Variants in GABRP observed in about 807,000 individuals in gnomAD.
GABRP encodes gamma-aminobutyric acid type A receptor subunit pi.
In GABRP, 52 loss-of-function variants were observed where a neutral mutation model predicts 47.8. The observed-to-expected ratio is 1.09, with a 90% CI of 0.87 to 1.37. The LOEUF (loss-of-function observed/expected upper bound fraction) is 1.37. Ranked by LOEUF, GABRP falls within the 40% of genes most tolerant of loss-of-function variation. GABRP has a pLI of 0.00. For synonymous variants in GABRP, 221 were observed against 205.8 expected (o/e 1.07, Z -0.63); for missense variants, 525 against 542.8 (o/e 0.97, Z 0.33).
chr5:170,812,063 C>T lies in GABRP; in HGVS notation c.1128C>T (p.Asp376=). Residue 376 remains aspartate, a synonymous_variant, in exon 10 of 10, where the codon GAC becomes GAT. Transcript: ENST00000265294. ...TTGCCAGCATTGAAATTTCCAGCGA[C>T]AACGTTGACTACAGTGACTTGACAA... ...ISFASIEISS[D]NVDYSDLTMK... is the part of the protein sequence containing the mutation. The T allele has an allele frequency of 6.2e-7, 1 of 1,614,176 alleles. No individual in the cohort carries two copies. The highest frequency in any genetic ancestry group is 8.5e-7 in the Non-Finnish European group (1 of 1,180,032).
chr5:170,787,731 C>T (rs1765163528), intron 1 of GABRP, among the ~76,000 whole-genome samples: 1 of 152,212 alleles, frequency 6.6e-6, no homozygotes, highest in African/African-American at 2.4e-5. Flanking sequence ...CCGCCCACCA[C>T]ACAAGGCCAC....
chr5:170,813,554 A>G lies in GABRP; in HGVS notation c.*1296A>G, dbSNP rs528981454. On this transcript the variant is annotated 3_prime_UTR_variant, in exon 10 of 10. Coordinates refer to ENST00000265294, the MANE Select transcript of GABRP (RefSeq NM_014211.3). ...CCTCTCCAAATCCAGCCAGAGATGCACATTCCTCGGCCAGTCTCAGCCAAC... is the reference window on the plus strand; with the variant it reads ...CCTCTCCAAATCCAGCCAGAGATGCGCATTCCTCGGCCAGTCTCAGCCAAC... 1.0e-3 allele frequency: 156 copies of G among 152,354 alleles called. No homozygotes were observed. Among genetic ancestry groups the G allele is most frequent in the African/African-American group, 3.6e-3 (150 of 41,576 alleles). The allele number at this position is 152,354 out of a possible 1,614,324, so 9.4% of individuals were successfully genotyped here. A position where few individuals can be genotyped will look rare whatever the true frequency, so the allele number is the denominator to read the frequency against.
chr5:170,788,678 G>C lies in GABRP; in HGVS notation c.53+10G>C. Reference sequence around the variant, plus strand: ...GTCTCTTCACTGAGAGGTGAGCTTTGCTACCCCCAGAATGGCCTCCATCTG... The same window carrying C: ...GTCTCTTCACTGAGAGGTGAGCTTTCCTACCCCCAGAATGGCCTCCATCTG... On this transcript the variant is annotated intron_variant, in intron 2 of 9. Coordinates refer to ENST00000265294, the MANE Select transcript of GABRP (RefSeq NM_014211.3). 2 of 1,613,756 alleles carry C rather than the reference G, an allele frequency of 1.2e-6. No homozygotes were observed. Among genetic ancestry groups the C allele is most frequent in the Non-Finnish European group, 1.7e-6 (2 of 1,179,758 alleles).
intron 6 of GABRP, among the ~76,000 whole-genome samples, chr5:170,799,494 C>T (rs1765529918): frequency 6.6e-6 from 1 of 152,196 alleles, no homozygotes; most frequent in Admixed American, 6.5e-5. Context: ...GAGATGATAT[C>T]TCCTTGTGGT....
intron 3 of GABRP, among the ~76,000 whole-genome samples, chr5:170,793,161 C>T (rs777321279): frequency 3.3e-5 from 5 of 152,194 alleles, no homozygotes; most frequent in East Asian, 3.8e-4. Flanking sequence ...CAATGTCACA[C>T]GTCTAATCTC....
rs538589211 is a variant in GABRP at position 170,795,492 on chromosome 5, T to C, written c.458+67T>C. 7 of 1,310,484 alleles carry C rather than the reference T, an allele frequency of 5.3e-6. No individual in the cohort carries two copies. The African/African-American group carries it at 1.0e-4, about 19-fold the overall frequency. 81.2% of individuals were successfully genotyped at this position (1,310,484 alleles called of 1,614,324 possible). ...TGGGAGAAAACATGCAGATGTGTCT[T>C]GGGTAGTTGTGACCAGAACTCAAAT... On this transcript the variant is annotated intron_variant, in intron 5 of 9. Transcript: ENST00000265294.
chr5:170,810,233 C>T (rs1765846374), intron 9 of GABRP, among the ~76,000 whole-genome samples: 1 of 152,064 alleles, frequency 6.6e-6, no homozygotes, highest in African/African-American at 2.4e-5. Flanking sequence ...TTGAGAAAAA[C>T]TGTCATTATT....
In GABRP at chr5:170,789,215, G is replaced by A. The variant is rs1405870933; in HGVS notation, c.140G>A (p.Gly47Glu). The A allele has an allele frequency of 6.2e-7, 1 of 1,614,086 alleles. No homozygotes were observed. The highest frequency in any genetic ancestry group is 8.5e-7 in the Non-Finnish European group (1 of 1,179,972). ...SLPGFENLTA[G>E]YNKFLRPNFG... The stretch of plus-strand genomic sequence containing the variant: ...CCTGGCTTTGAGAACCTCACAGCAG[G>A]ATATAACAAATTTCTCAGGCCCAAT... Residue 47 changes from glycine (G) to glutamate (E), a missense_variant, in exon 3 of 10, where the codon GGA (glycine) becomes GAA (glutamate). Transcript: ENST00000265294.
At chr5:170,792,977 T>A (rs2127253872) in intron 3 of GABRP, among the ~76,000 whole-genome samples, 1 of 152,218 alleles carries the variant, frequency 6.6e-6, no homozygotes, top group Admixed American at 6.5e-5. Flanking sequence ...TTAGCTAGGA[T>A]TACGGAAGAG....
intron 3 of GABRP, 128 bp from the exon 4 acceptor site, chr5:170,794,103 G>A: frequency 2.0e-6 from 1 of 494,368 alleles, no homozygotes; most frequent in African/African-American, 2.0e-5. Context: ...TATATTTATA[G>A]AATATTTAAA....
In GABRP at chr5:170,783,758, G is replaced by A. The variant is rs116317432; in HGVS notation, c.-159G>A. ...TGAGGGTGGCTGCGTGTCCACATACGAGGGGACAGGGCTGAGGATGAGGAG... is the reference window on the plus strand; with the variant it reads ...TGAGGGTGGCTGCGTGTCCACATACAAGGGGACAGGGCTGAGGATGAGGAG... On this transcript the variant is annotated 5_prime_UTR_variant, in exon 1 of 10. Coordinates refer to ENST00000265294, the MANE Select transcript of GABRP (RefSeq NM_014211.3). The A allele has an allele frequency of 0.014, 2,099 of 152,380 alleles. 35 individuals carry two copies. Among genetic ancestry groups the A allele is most frequent in the African/African-American group, 0.044 (1,828 of 41,540 alleles). 9.4% of individuals were successfully genotyped at this position (152,380 alleles called of 1,614,324 possible). A position where few individuals can be genotyped will look rare whatever the true frequency, so the allele number is the denominator to read the frequency against.
chr5:170,804,037 G>A (rs1303157161), intron 6 of GABRP, among the ~76,000 whole-genome samples: 3 of 152,070 alleles, frequency 2.0e-5, no homozygotes, highest in Non-Finnish European at 4.4e-5. Context: ...CAAAGTGCTG[G>A]GATTACAGGC....
intron 2 of GABRP, 82 bp from the exon 3 acceptor site, chr5:170,789,047 G>A: frequency 2.8e-6 from 3 of 1,063,706 alleles, no homozygotes; most frequent in Non-Finnish European, 4.3e-6. Context: ...CACACACGTG[G>A]GCAAACACAA....
chr5:170,797,599 G>T, intron 6 of GABRP, 51 bp downstream of exon 6: 1 of 1,104,288 alleles, frequency 9.1e-7, no homozygotes, highest in Non-Finnish European at 1.4e-6. Flanking sequence ...GGTGACTTAG[G>T]TGTGTGTATT....
intron 9 of GABRP, 198 bp downstream of exon 9, chr5:170,809,953 A>T (rs1341317824): frequency 1.4e-6 from 1 of 701,194 alleles, no homozygotes; most frequent in Non-Finnish European, 2.6e-6. Flanking sequence ...CACCAAATAC[A>T]ATGAGATATT....
In GABRP at chr5:170,813,248, C is replaced by T. The variant is rs992835743; in HGVS notation, c.*990C>T. On this transcript the variant is annotated 3_prime_UTR_variant, in exon 10 of 10. Transcript: ENST00000265294. ...GCTGCTACTCTAACACTGAGCAACA[C>T]TCTCCCAGTGGCAGATCCCCTGTAT... The T allele has an allele frequency of 6.6e-6, 1 of 152,230 alleles. No homozygotes were observed. The allele number at this position is 152,230 out of a possible 1,614,324, so 9.4% of individuals were successfully genotyped here. A position where few individuals can be genotyped will look rare whatever the true frequency, so the allele number is the denominator to read the frequency against.
chr5:170,795,186 A>G (rs771579664), intron 4 of GABRP, 22 bp from the exon 5 acceptor site: 1 of 1,586,504 alleles, frequency 6.3e-7, no homozygotes, highest in African/African-American at 1.3e-5. Context: ...ATCCATTTCC[A>G]TACCCTGCCT....
At chr5:170,809,530 A>T (rs1169330498) in intron 8 of GABRP, 38 bp from the exon 9 acceptor site, 1 of 1,603,708 alleles carries the variant, frequency 6.2e-7, no homozygotes, top group Middle Eastern at 2.1e-4. Flanking sequence ...AGGACTAACC[A>T]GTCACTTTGT....
At position 170,802,126 on chromosome 5, in the gene GABRP, G is replaced by T. The variant is rs376916084; in HGVS notation, c.542-3590G>T. On this transcript the variant is annotated intron_variant, in intron 6 of 9. Transcript: ENST00000265294. The stretch of plus-strand genomic sequence containing the variant: ...AATGGGCATCTAAACTGTAACCTGG[G>T]GATTTGCCTGTGATGAAGAATGAGG... Among the ~76,000 whole-genome samples the T allele has an allele frequency of 2.6e-5, 4 of 152,118 alleles. No homozygotes were observed. The East Asian group carries it at 7.7e-4, about 29-fold the overall frequency.
Sources: allele counts gnomAD v4.1 joint callset (sites outside exome capture counted in the v4.1 genomes callset), GRCh38; gene constraint gnomAD v4.1.1; transcripts MANE v1.5; gene names NCBI Gene and HGNC (gene_info 2026-07-23, HGNC 2026-07-21).